The following PTPRG variants were observed in gnomAD, a reference collection of about 807,000 sequenced individuals.
PTPRG encodes protein tyrosine phosphatase receptor type G, also known as receptor-type tyrosine-protein phosphatase gamma.
A neutral mutation model predicts 165.3 loss-of-function variants in PTPRG; 102 were observed. The ratio of observed to expected loss-of-function variants is 0.62; its 90% CI spans 0.53 to 0.73. The LOEUF (loss-of-function observed/expected upper bound fraction) is 0.73. Among genes scored for constraint, PTPRG ranks in the 30% least tolerant of loss-of-function variants. The pLI is 0.00. For synonymous variants in PTPRG, 675 were observed against 669.5 expected, an observed-to-expected ratio of 1.01 and a Z score of -0.13; for missense variants, 1,866 against 1,861.4, an observed-to-expected ratio of 1.00 and a Z score of -0.05.
chr3:61,763,002 C>CT (rs2106976938), intron 2 of PTPRG, among the ~76,000 whole-genome samples: 1 of 152,246 alleles, frequency 6.6e-6, no homozygotes, highest in Admixed American at 6.5e-5. Context: ...GTGTCCCTTT[C>CT]TTATGTCTCT....
intron 1 of PTPRG, among the ~76,000 whole-genome samples, chr3:61,586,872 G>A (rs1395260903): frequency 6.6e-6 from 1 of 152,136 alleles, no homozygotes; most frequent in Non-Finnish European, 1.5e-5. Context: ...TGTAGACCTC[G>A]TGTTACCCAG....
At chr3:61,934,889 T>G (rs2039447541) in intron 2 of PTPRG, among the ~76,000 whole-genome samples, 1 of 152,188 alleles carries the variant, frequency 6.6e-6, no homozygotes, top group African/African-American at 2.4e-5. Flanking sequence ...CCCCTGGTGC[T>G]CAAATCAGTG....
rs1701122214 is a variant in PTPRG at position 62,240,039 on chromosome 3, A to G, written c.2376-3768A>G. On this transcript the variant is annotated intron_variant, in intron 14 of 29. Transcript: ENST00000474889. The surrounding 1 kb of genome is among the most constrained non-coding windows in gnomAD (Gnocchi z 5.1). Reference sequence around the variant, plus strand: ...TCCCTGGCCCAGAGTAGACCCCCCAATAGATAGTTATTAAAGGAATAAATT... The same window carrying G: ...TCCCTGGCCCAGAGTAGACCCCCCAGTAGATAGTTATTAAAGGAATAAATT... 1.3e-5 allele frequency among the ~76,000 whole-genome samples: 2 copies of G among 152,170 alleles called. No individual in the cohort carries two copies. Among genetic ancestry groups the G allele is most frequent in the African/African-American group, 2.4e-5 (1 of 41,456 alleles).
chr3:61,892,818 A>C (rs531984788), intron 2 of PTPRG, among the ~76,000 whole-genome samples: 129 of 144,988 alleles, frequency 8.9e-4, no homozygotes, highest in South Asian at 2.1e-3. Flanking sequence ...CTCTGTCTCA[A>C]AAAAAAAAAA....
At chr3:61,581,997 T>G (rs1000272496) in intron 1 of PTPRG, among the ~76,000 whole-genome samples, 18 of 152,116 alleles carry the variant, frequency 1.2e-4, no homozygotes, top group African/African-American at 4.1e-4. Context: ...AGACAGAGTC[T>G]TGCTCTAACA....
chr3:62,142,230 A>C (rs1009893249), intron 6 of PTPRG, among the ~76,000 whole-genome samples: 4 of 152,058 alleles, frequency 2.6e-5, no homozygotes, highest in Admixed American at 6.6e-5. Context: ...ACTTCAAAAC[A>C]TGAGAAAACC....
At chr3:61,649,413 A>G (rs551406114) in intron 1 of PTPRG, among the ~76,000 whole-genome samples, 1 of 152,310 alleles carries the variant, frequency 6.6e-6, no homozygotes, top group South Asian at 2.1e-4. Context: ...CTGTCTGGTG[A>G]GGGTTTTTCT....
At chr3:61,637,228 A>G (rs1177082720) in intron 1 of PTPRG, among the ~76,000 whole-genome samples, 2 of 152,224 alleles carry the variant, frequency 1.3e-5, no homozygotes. Context: ...TCAGTTGCCT[A>G]TCTCTGGTCA....
intron 5 of PTPRG, among the ~76,000 whole-genome samples, chr3:62,095,017 C>T (rs1702063369): frequency 6.6e-6 from 1 of 152,252 alleles, no homozygotes; most frequent in African/African-American, 2.4e-5. Flanking sequence ...TCATAATCTT[C>T]TCTCTGGCTT....
chr3:61,799,582 C>T (rs1208127759), intron 2 of PTPRG, among the ~76,000 whole-genome samples: 1 of 152,156 alleles, frequency 6.6e-6, no homozygotes, highest in African/African-American at 2.4e-5. Context: ...TAAAGTTTTC[C>T]TCATAATTAC....
At chr3:61,827,467 A>C (rs1422805696) in intron 2 of PTPRG, among the ~76,000 whole-genome samples, 2 of 152,150 alleles carry the variant, frequency 1.3e-5, no homozygotes, top group Non-Finnish European at 2.9e-5. Context: ...AGCCTCACTC[A>C]TGGATCCAAG....
chr3:62,134,896 C>T (rs945032217), intron 6 of PTPRG, among the ~76,000 whole-genome samples: 11 of 152,172 alleles, frequency 7.2e-5, no homozygotes, highest in Admixed American at 1.3e-4. Flanking sequence ...TGGGTATTGC[C>T]TTGATTGAGA....
chr3:62,006,381 G>A lies in PTPRG; in HGVS notation c.519+2884G>A, dbSNP rs1346599186. ...TGTCTGTGATATTTTATGTTAAGTT[G>A]CTTTATTTGAGCTCTTCATTAATAC... On this transcript the variant is annotated intron_variant, in intron 4 of 29. Transcript: ENST00000474889. Among the ~76,000 whole-genome samples, 3 of 152,232 alleles carry A rather than the reference G, an allele frequency of 2.0e-5. 1 individual carries two copies. The highest frequency in any genetic ancestry group is 7.2e-5 in the African/African-American group (3 of 41,548).
intron 2 of PTPRG, among the ~76,000 whole-genome samples, chr3:61,904,933 G>T (rs537540397): frequency 3.8e-4 from 57 of 151,472 alleles, no homozygotes; most frequent in African/African-American, 1.3e-3. Flanking sequence ...ATGCTCAAAA[G>T]TAATGTTGTA....
chr3:61,614,139 T>C (rs1414801850), intron 1 of PTPRG, among the ~76,000 whole-genome samples: 1 of 152,224 alleles, frequency 6.6e-6, no homozygotes, highest in Non-Finnish European at 1.5e-5. Flanking sequence ...CCTCTTCGCC[T>C]GTTGTTCCTC....
chr3:62,155,916 G>T (rs1396454196), intron 6 of PTPRG, among the ~76,000 whole-genome samples: 1 of 152,092 alleles, frequency 6.6e-6, no homozygotes, highest in African/African-American at 2.4e-5. Flanking sequence ...AGCCATGAAG[G>T]AGCTAAGGGA....
chr3:62,033,958 A>G (rs897420003), intron 4 of PTPRG, among the ~76,000 whole-genome samples: 1 of 151,722 alleles, frequency 6.6e-6, no homozygotes, highest in South Asian at 2.1e-4. Context: ...TAGAGACGGG[A>G]TTTCACCGTG....
chr3:62,088,404 C>A (rs1214253212), intron 5 of PTPRG, among the ~76,000 whole-genome samples: 1 of 152,204 alleles, frequency 6.6e-6, no homozygotes, highest in East Asian at 1.9e-4. Flanking sequence ...TTTCTGCAGG[C>A]CGAAGGCCAT....
At chr3:61,794,443 A>G (rs1478134107) in intron 2 of PTPRG, among the ~76,000 whole-genome samples, 3 of 152,154 alleles carry the variant, frequency 2.0e-5, no homozygotes, top group African/African-American at 7.2e-5. Context: ...TCTGGTCCCT[A>G]TGTAATTTGA....
Sources: gnomAD v4.1 joint callset for allele counts (sites outside exome capture counted in the v4.1 genomes callset) on GRCh38, gnomAD v4.1.1 for gene constraint, Gnocchi (gnomAD v3.1) non-coding constraint, MANE v1.5 for transcripts, NCBI Gene and HGNC (gene_info 2026-07-23, HGNC 2026-07-21) for gene names.